The following FBXO34 variants were observed in gnomAD, a reference collection of about 807,000 sequenced individuals.
FBXO34 encodes the protein F-box only protein 34.
In FBXO34, 12 loss-of-function variants were observed where a neutral mutation model predicts 24.5. The ratio of observed to expected loss-of-function variants is 0.49; its 90% CI spans 0.31 to 0.79. FBXO34 has a LOEUF of 0.79. Ranked by LOEUF, FBXO34 falls within the 30% of genes least tolerant of loss-of-function variation. The pLI, the probability that FBXO34 is intolerant of heterozygous loss-of-function variation, is 0.04. For synonymous variants in FBXO34, 320 were observed against 311.9 expected (o/e 1.03, Z -0.27); for missense variants, 823 against 857.7 (o/e 0.96, Z 0.51).
chr14:55,400,734 C>T, the FBXO34 span, among the ~76,000 whole-genome samples: 1 of 152,000 alleles, frequency 6.6e-6, no homozygotes, highest in African/African-American at 2.4e-5. Flanking sequence ...GAAACTCTGT[C>T]TCTACTAAAA....
At chr14:55,428,713 C>A in the FBXO34 span, 33 of 1,275,478 alleles carry the variant, frequency 2.6e-5, no homozygotes, top group Middle Eastern at 2.9e-4. Context: ...TTTTTTTAAT[C>A]ACAATTTCTC....
At chr14:55,393,068 C>T in the FBXO34 span, among the ~76,000 whole-genome samples, 2,010 of 152,300 alleles carry the variant, frequency 0.013, 73 homozygotes, top group Non-Finnish European at 0.01. Context: ...AAATTCACTT[C>T]TATCACAAAT....
In FBXO34 at chr14:55,351,643, C is replaced by G. The variant is rs1399731565; in HGVS notation, c.1253C>G (p.Ser418Cys). ...TDELVGLPFS[S>C]HTYSQASELP... is the part of the protein sequence containing the mutation. ...GAACTCGTTGGGTTACCTTTTTCCT[C>G]TCATACCTATTCCCAAGCCTCTGAA... The change falls in exon 2 of 2, where the codon TCT becomes TGT. Residue 418 changes from serine (S) to cysteine (C), a missense_variant. By Grantham distance (112) the Ser-to-Cys change is moderately radical. This residue lies in a region of FBXO34 where 693 missense variants were observed against 659.1 expected (regional missense o/e 1.05). Coordinates refer to ENST00000313833, the MANE Select transcript of FBXO34 (RefSeq NM_017943.4). 2.5e-6 allele frequency: 4 copies of G among 1,614,170 alleles called. No homozygotes were observed. Among genetic ancestry groups the G allele is most frequent in the South Asian group, 1.1e-5 (1 of 91,086 alleles).
the FBXO34 span, among the ~76,000 whole-genome samples, chr14:55,396,919 T>C: frequency 1.7e-4 from 26 of 152,316 alleles, no homozygotes; most frequent in African/African-American, 5.1e-4. Flanking sequence ...TCTCTGAGGA[T>C]AGGATTCCAA....
intron 1 of FBXO34, among the ~76,000 whole-genome samples, chr14:55,331,813 TAC>T (rs1317766096): frequency 1.5e-5 from 1 of 67,664 alleles, no homozygotes; most frequent in South Asian, 4.6e-4. Context: ...TATATATATA[TAC>T]ACCACCGGGG....
intron 3 of FBXO34, among the ~76,000 whole-genome samples, chr14:55,361,291 G>A (rs917870173): frequency 1.3e-5 from 2 of 152,240 alleles, no homozygotes. Context: ...CAGGTACAAT[G>A]TCAATGGGCA....
At chr14:55,321,254 A>T (rs1049279946) in intron 1 of FBXO34, among the ~76,000 whole-genome samples, 3 of 151,530 alleles carry the variant, frequency 2.0e-5, no homozygotes, top group Middle Eastern at 6.8e-3. Context: ...GGAATATCAG[A>T]AGGATATTGT....
intron 1 of FBXO34, among the ~76,000 whole-genome samples, chr14:55,313,600 A>T (rs893989798): frequency 1.3e-5 from 2 of 152,236 alleles, no homozygotes; most frequent in African/African-American, 4.8e-5. Context: ...ATTGACTCAC[A>T]GTTTCACATG....
exon 3 of FBXO34, chr14:55,367,579 T>C (rs1488153892): frequency 6.6e-6 from 1 of 152,090 alleles, no homozygotes; most frequent in Non-Finnish European, 1.5e-5. Flanking sequence ...CCCCCGTCTT[T>C]ACTAAAATAC....
chr14:55,373,495 C>T (rs980583827), downstream of FBXO34, among the ~76,000 whole-genome samples: 4 of 152,026 alleles, frequency 2.6e-5, no homozygotes, highest in African/African-American at 4.8e-5. Context: ...AGTCTCACTC[C>T]GTTTCCCAGG....
intron 1 of FBXO34, chr14:55,339,380 C>CCG (rs1555339074): frequency 3.3e-5 from 4 of 120,076 alleles, no homozygotes; most frequent in Non-Finnish European, 6.9e-5. Flanking sequence ...AATCACCTGC[C>CCG]CCCCCCCCCA....
the FBXO34 span, among the ~76,000 whole-genome samples, chr14:55,401,753 C>T: frequency 6.6e-6 from 1 of 152,106 alleles, no homozygotes; most frequent in Admixed American, 6.5e-5. Context: ...GCACACAGCC[C>T]CAGTGGCACC....
At chr14:55,284,494 A>G (rs1881684880) in intron 1 of FBXO34, among the ~76,000 whole-genome samples, 2 of 149,024 alleles carry the variant, frequency 1.3e-5, no homozygotes, top group African/African-American at 4.9e-5. Context: ...CCTGGGCAAC[A>G]AGAGTGAACC....
At chr14:55,411,784 C>G in the FBXO34 span, 2 of 1,602,918 alleles carry the variant, frequency 1.2e-6, no homozygotes, top group South Asian at 2.2e-5. Context: ...AGCCAGGAGC[C>G]TCCAGCGCCC....
At chr14:55,370,742 G>A (rs535155861), downstream of FBXO34, among the ~76,000 whole-genome samples, 2 of 151,222 alleles carry the variant, frequency 1.3e-5, no homozygotes, top group African/African-American at 4.9e-5. Context: ...CCAGGTGCAA[G>A]CGATTCTCCT....
At chr14:55,413,706 G>A in the FBXO34 span, 1 of 295,916 alleles carries the variant, frequency 3.4e-6, no homozygotes, top group Non-Finnish European at 6.7e-6. Context: ...ACCTTCACGC[G>A]TTTCAGGAAA....
At chr14:55,387,946 G>A in the FBXO34 span, among the ~76,000 whole-genome samples, 1 of 152,184 alleles carries the variant, frequency 6.6e-6, no homozygotes, top group Non-Finnish European at 1.5e-5. Flanking sequence ...ATAGGCATGA[G>A]CCACTGCACC....
At chr14:55,417,914 C>T in the FBXO34 span, among the ~76,000 whole-genome samples, 3 of 152,208 alleles carry the variant, frequency 2.0e-5, no homozygotes, top group African/African-American at 7.2e-5. Context: ...CTACCTCTAA[C>T]TAGCTTTAAA....
rs1883561395 is a variant in FBXO34 at position 55,331,709 on chromosome 14, ATATATATGTATATATATATG to A, written c.-10-18664_-10-18645del. 8.9e-5 allele frequency among the ~76,000 whole-genome samples: 5 copies of A among 56,148 alleles called. 1 individual carries two copies. Among genetic ancestry groups the A allele is most frequent in the African/African-American group, 8.0e-4 (5 of 6,224 alleles). The allele number at this position is 56,148 out of a possible 152,430, so 36.8% of individuals were successfully genotyped here. A position where few individuals can be genotyped will look rare whatever the true frequency, so the allele number is the denominator to read the frequency against. On this transcript the variant is annotated intron_variant, in intron 1 of 1. Coordinates refer to ENST00000313833, the MANE Select transcript of FBXO34 (RefSeq NM_017943.4). ...TGTGTATATATATATATATATGTAT[ATATATATGTATATATATATG>A]TATATATATATGTGTGTATATATAT...
Sources: gnomAD v4.1 joint callset for allele counts (sites outside exome capture counted in the v4.1 genomes callset) on GRCh38, gnomAD v4.1.1 for gene constraint, gnomAD v4.1.1 regional missense constraint, MANE v1.5 for transcripts, NCBI Gene and HGNC (gene_info 2026-07-23, HGNC 2026-07-21) for gene names.